Variants in C1QTNF3 observed in about 807,000 individuals in gnomAD.
C1QTNF3 encodes the protein complement C1q tumor necrosis factor-related protein 3.
C1QTNF3 carries 26 observed loss-of-function variants against 32.6 expected under a neutral mutation model. That is an observed-to-expected ratio of 0.80 (90% CI 0.58 to 1.11). The LOEUF (loss-of-function observed/expected upper bound fraction) is 1.11. Among genes scored for constraint, C1QTNF3 ranks in the 50% least tolerant of loss-of-function variants. The probability of loss-of-function intolerance (pLI) is 0.00; values close to 1 mark genes in which losing one functional copy is unlikely to be tolerated. For missense variants in C1QTNF3, 362 were observed against 398.2 expected, an observed-to-expected ratio of 0.91 and a Z score of 0.77; for synonymous variants, 155 against 146.0, an observed-to-expected ratio of 1.06 and a Z score of -0.44.
At chr5:34,122,526 C>T in the C1QTNF3 span, among the ~76,000 whole-genome samples, 1 of 152,136 alleles carries the variant, frequency 6.6e-6, no homozygotes, top group African/African-American at 2.4e-5. Flanking sequence ...AATTTCTGAG[C>T]AAAGTATTGG....
the C1QTNF3 span, among the ~76,000 whole-genome samples, chr5:34,188,862 T>C: frequency 3.3e-5 from 5 of 152,122 alleles, no homozygotes; most frequent in African/African-American, 9.7e-5. Context: ...GGAAGAATTA[T>C]ATGGTTTGGC....
At chr5:34,118,442 T>G in the C1QTNF3 span, among the ~76,000 whole-genome samples, 1 of 152,186 alleles carries the variant, frequency 6.6e-6, no homozygotes, top group Non-Finnish European at 1.5e-5. Flanking sequence ...CCTGCTTCCA[T>G]ATTTTGTATT....
chr5:34,165,542 G>C, the C1QTNF3 span: 1 of 152,040 alleles, frequency 6.6e-6, no homozygotes, highest in South Asian at 2.1e-4. Flanking sequence ...TCGAGTTACT[G>C]TAACTGCTGT....
At chr5:34,094,046 A>C in the C1QTNF3 span, among the ~76,000 whole-genome samples, 2 of 152,134 alleles carry the variant, frequency 1.3e-5, no homozygotes, top group Admixed American at 6.6e-5. Context: ...TGCCCAGAAA[A>C]CACCCTTGTA....
At chr5:34,021,016 T>C (rs1317354584) in intron 5 of C1QTNF3, among the ~76,000 whole-genome samples, 1 of 152,236 alleles carries the variant, frequency 6.6e-6, no homozygotes, top group Non-Finnish European at 1.5e-5. Flanking sequence ...TACTGGGTTC[T>C]TGGAGACCAT....
Position 34,020,656 on chromosome 5 carries a change from C to T in C1QTNF3, c.887G>A (p.Gly296Asp). ...GTGGTCCCCATGGAGAGCGCCATTG[C>T]CCATTCGCAGCCAAACCTCATCCCC... is the stretch of plus-strand genomic sequence containing the variant. ...AKGDEVWLRM[G>D]NGALHGDHQR... Residue 296 changes from glycine to aspartate, a missense_variant, in exon 6 of 6, where the codon GGC (glycine) becomes GAC (aspartate). Coordinates refer to ENST00000382065, the MANE Select transcript of C1QTNF3 (RefSeq NM_181435.6). 1 of 1,614,220 alleles carries T rather than the reference C, an allele frequency of 6.2e-7. No individual in the cohort carries two copies. Among genetic ancestry groups the T allele is most frequent in the Non-Finnish European group, 8.5e-7 (1 of 1,180,038 alleles).
At chr5:34,216,193 T>G in the C1QTNF3 span, among the ~76,000 whole-genome samples, 1 of 152,258 alleles carries the variant, frequency 6.6e-6, no homozygotes, top group African/African-American at 2.4e-5. Context: ...ATTGTCTTGT[T>G]TAAGTATCTC....
the C1QTNF3 span, among the ~76,000 whole-genome samples, chr5:34,186,511 TAA>T: frequency 7.7e-6 from 1 of 130,636 alleles, no homozygotes. Flanking sequence ...TTTTTTTTTT[TAA>T]AATTAAGAGA....
chr5:34,122,132 A>G, the C1QTNF3 span, among the ~76,000 whole-genome samples: 1 of 152,336 alleles, frequency 6.6e-6, no homozygotes, highest in South Asian at 2.1e-4. Context: ...ACATATACCT[A>G]AACATATGGA....
chr5:34,108,158 T>C, the C1QTNF3 span, among the ~76,000 whole-genome samples: 1 of 152,116 alleles, frequency 6.6e-6, no homozygotes, highest in African/African-American at 2.4e-5. Context: ...ATCTTGACAA[T>C]ACAACATGTT....
chr5:34,142,444 A>AC, the C1QTNF3 span, among the ~76,000 whole-genome samples: 1 of 151,022 alleles, frequency 6.6e-6, no homozygotes, highest in Non-Finnish European at 1.5e-5. Context: ...AAAAAAAAAA[A>AC]ACAGAAAAGA....
chr5:34,201,007 T>C, the C1QTNF3 span: 2 of 152,074 alleles, frequency 1.3e-5, no homozygotes, highest in Non-Finnish European at 2.9e-5. Flanking sequence ...AGAATCTCTT[T>C]GTCTTTATAA....
At chr5:34,212,885 C>G in the C1QTNF3 span, among the ~76,000 whole-genome samples, 1 of 151,202 alleles carries the variant, frequency 6.6e-6, no homozygotes, top group Non-Finnish European at 1.5e-5. Context: ...TACCATTTGA[C>G]CCAGCCATCC....
the C1QTNF3 span, among the ~76,000 whole-genome samples, chr5:34,062,844 T>C: frequency 6.6e-6 from 1 of 152,252 alleles, no homozygotes; most frequent in South Asian, 2.1e-4. Flanking sequence ...TTTAAGATTT[T>C]TGAGTTAGTA....
At chr5:34,226,241 A>T in the C1QTNF3 span, among the ~76,000 whole-genome samples, 1 of 152,016 alleles carries the variant, frequency 6.6e-6, no homozygotes, top group African/African-American at 2.4e-5. Flanking sequence ...AGAAAAATTT[A>T]AAAATCCCAT....
At chr5:34,221,720 CAAT>C in the C1QTNF3 span, among the ~76,000 whole-genome samples, 1 of 151,532 alleles carries the variant, frequency 6.6e-6, no homozygotes, top group Non-Finnish European at 1.5e-5. Context: ...TCTAGTATTT[CAAT>C]AATGTTATTT....
At chr5:34,060,818 T>C in the C1QTNF3 span, among the ~76,000 whole-genome samples, 5 of 152,152 alleles carry the variant, frequency 3.3e-5, no homozygotes. Flanking sequence ...CAAGATGAGA[T>C]TTGGGTGGGA....
chr5:34,076,230 A>G, the C1QTNF3 span, among the ~76,000 whole-genome samples: 10 of 151,566 alleles, frequency 6.6e-5, no homozygotes, highest in Non-Finnish European at 1.3e-4. Flanking sequence ...AATGTACTTA[A>G]TACTACCAAA....
At chr5:34,053,691 A>T in the C1QTNF3 span, among the ~76,000 whole-genome samples, 1 of 152,142 alleles carries the variant, frequency 6.6e-6, no homozygotes, top group African/African-American at 2.4e-5. Flanking sequence ...AGCCCATTTA[A>T]CCCATTTCCC....
Sources: gnomAD v4.1 joint callset for allele counts (sites outside exome capture counted in the v4.1 genomes callset) on GRCh38, gnomAD v4.1.1 for gene constraint, MANE v1.5 for transcripts, NCBI Gene and HGNC (gene_info 2026-07-23, HGNC 2026-07-21) for gene names.